Variants in PIK3C2A observed in about 807,000 individuals in gnomAD.
PIK3C2A encodes the protein phosphatidylinositol 4-phosphate 3-kinase C2 domain-containing subunit alpha.
Under a neutral mutation model 204.5 loss-of-function variants are expected in PIK3C2A, and 97 were observed. The ratio of observed to expected loss-of-function variants is 0.47; its 90% CI spans 0.40 to 0.56. The LOEUF (loss-of-function observed/expected upper bound fraction) is 0.56. PIK3C2A is among the 20% of genes least tolerant of loss of function. The probability of loss-of-function intolerance (pLI) is 0.00; values close to 1 mark genes in which losing one functional copy is unlikely to be tolerated. For synonymous variants in PIK3C2A, 653 were observed against 664.4 expected (o/e 0.98, Z 0.26); for missense variants, 1,735 against 1,969.2 (o/e 0.88, Z 2.25).
rs11024185 is a variant in PIK3C2A, at chr11:17,189,001, G to T, written c.-66+18847C>A. On this transcript the variant is annotated intron_variant, in intron 1 of 32. Transcript: ENST00000691414. The stretch of plus-strand genomic sequence containing the variant: ...CAGAGATCTCCTGAGACACAGAAAG[G>T]CAAGAAGCACAATTAAAGAACAAAG... Among the ~76,000 whole-genome samples, 4,106 of 146,854 alleles carry T rather than the reference G, an allele frequency of 0.028. 652 individuals carry two copies. In the East Asian group the frequency reaches 0.42, roughly 15 times the overall value.
intron 5 of PIK3C2A, 105 bp downstream of exon 5, chr11:17,148,562 G>C (rs1850324233): frequency 3.4e-6 from 3 of 887,530 alleles, no homozygotes; most frequent in Non-Finnish European, 3.4e-6. Context: ...AATTCAATAG[G>C]ATCCAATGTA....
At chr11:17,173,075 T>C (rs185019000) in intron 1 of PIK3C2A, among the ~76,000 whole-genome samples, 12 of 152,352 alleles carry the variant, frequency 7.9e-5, no homozygotes, top group Admixed American at 7.2e-4. Context: ...TCTTTAGCCT[T>C]CCCTAAGCAG....
At chr11:17,177,568 T>C (rs1851377616) in intron 1 of PIK3C2A, among the ~76,000 whole-genome samples, 2 of 152,110 alleles carry the variant, frequency 1.3e-5, no homozygotes, top group Admixed American at 6.6e-5. Flanking sequence ...AGGGAGATGG[T>C]AATAGAAAAC....
intron 20 of PIK3C2A, among the ~76,000 whole-genome samples, chr11:17,113,711 G>C (rs1234072161): frequency 6.6e-6 from 1 of 150,874 alleles, no homozygotes; most frequent in African/African-American, 2.5e-5. Context: ...GAACCTGGGA[G>C]GCGGAGGTCG....
rs993455123 is a variant in PIK3C2A at position 17,088,977 on chromosome 11, T to A, written c.*761A>T. The A allele has an allele frequency of 6.6e-6, 1 of 152,198 alleles. No individual in the cohort carries two copies. The highest frequency in any genetic ancestry group is 6.5e-5 in the Admixed American group (1 of 15,286). 9.4% of individuals were successfully genotyped at this position (152,198 alleles called of 1,614,324 possible). On this transcript the variant is annotated 3_prime_UTR_variant, in exon 33 of 33. Transcript: ENST00000691414. ...TAATTCATACATCAGAAGTAAAGGA[T>A]TTTTTTGTGGGAAAAACATTAGTAC...
intron 1 of PIK3C2A, among the ~76,000 whole-genome samples, chr11:17,178,114 A>AAAAAAAAAAG (rs1565294473): frequency 2.0e-4 from 15 of 73,234 alleles, no homozygotes; most frequent in Admixed American, 3.5e-4. Context: ...AAAAAAAAAG[A>AAAAAAAAAAG]AAAAAAAAAT....
In PIK3C2A at chr11:17,122,791, G is replaced by A. The variant is rs952995310; in HGVS notation, c.2422C>T (p.Leu808Phe). The A allele has an allele frequency of 1.0e-5, 15 of 1,493,468 alleles. No homozygotes were observed. Among genetic ancestry groups the A allele is most frequent in the Admixed American group, 1.9e-5 (1 of 53,388 alleles). 92.5% of individuals were successfully genotyped at this position (1,493,468 alleles called of 1,614,324 possible). Residue 808 changes from leucine (L) to phenylalanine (F), a missense_variant, in exon 14 of 33, where the codon CTT (leucine) becomes TTT (phenylalanine). This residue lies in a region of PIK3C2A where 567 missense variants were observed against 576.0 expected (regional missense o/e 0.98). Coordinates refer to ENST00000691414, the MANE Select transcript of PIK3C2A (RefSeq NM_002645.4). The part of the protein sequence containing the change: ...FKRFLTCGTK[L>F]LYLWTSSHTN... ...TGTGATGAAGTCCAAAGATATAGAA[G>A]TTTAGTTCCACATGTTAAAAACCTT...
chr11:17,198,421 T>C (rs537933278), intron 1 of PIK3C2A, among the ~76,000 whole-genome samples: 9 of 152,298 alleles, frequency 5.9e-5, no homozygotes, highest in African/African-American at 2.2e-4. Flanking sequence ...ACTGTGTGAT[T>C]TTTAAAGTAA....
chr11:17,149,510 A>G (rs1342170636), intron 4 of PIK3C2A, among the ~76,000 whole-genome samples: 1 of 152,164 alleles, frequency 6.6e-6, no homozygotes, highest in Non-Finnish European at 1.5e-5. Context: ...TATCTAGCAA[A>G]CAATGATTTA....
rs1565261340 is a variant in PIK3C2A at position 17,129,283 on chromosome 11, A to C, written c.2399+17T>G. On this transcript the variant is annotated intron_variant, in intron 13 of 32. Transcript: ENST00000691414. ...TGTGTCCACAGTGACTCACCATTACAATTCGGTAATACTTACCGTTTAAAG... is the reference window on the plus strand; with the variant it reads ...TGTGTCCACAGTGACTCACCATTACCATTCGGTAATACTTACCGTTTAAAG... 6.2e-7 allele frequency: 1 copy of C among 1,603,170 alleles called. No individual in the cohort carries two copies.
intron 1 of PIK3C2A, among the ~76,000 whole-genome samples, chr11:17,179,580 G>A (rs1851464265): frequency 6.6e-6 from 1 of 152,128 alleles, no homozygotes; most frequent in Non-Finnish European, 1.5e-5. Flanking sequence ...AGAGAAATGT[G>A]TTCACAATCA....
At chr11:17,100,269 C>T (rs1026701137) in intron 25 of PIK3C2A, among the ~76,000 whole-genome samples, 4 of 128,850 alleles carry the variant, frequency 3.1e-5, no homozygotes, top group South Asian at 5.3e-4. Flanking sequence ...GGGCAGGGAG[C>T]CGGGTGCGAT....
chr11:17,132,478 C>T lies in PIK3C2A; in HGVS notation c.2109-440G>A, dbSNP rs923897108. On this transcript the variant is annotated intron_variant, in intron 11 of 32. Coordinates refer to ENST00000691414, the MANE Select transcript of PIK3C2A (RefSeq NM_002645.4). ...CCGAGTAGCTGGGACTACAGGCGCC[C>T]GCCACCGCGCCCGGCTAATTTTTTG... Among the ~76,000 whole-genome samples, 9 of 150,896 alleles carry T rather than the reference C, an allele frequency of 6.0e-5. No individual in the cohort carries two copies. The South Asian group carries it at 6.3e-4, about 10-fold the overall frequency.
rs1399586663 is a variant in PIK3C2A at position 17,101,274 on chromosome 11, T to C, written c.4008+4A>G. Reference sequence around the variant, plus strand: ...CTAATTAAGTGCTTATAAAGAATAGTTACCAGTGAAAGGAGGTTAAGAAAA... The same window carrying C: ...CTAATTAAGTGCTTATAAAGAATAGCTACCAGTGAAAGGAGGTTAAGAAAA... On this transcript the variant is annotated splice_donor_region_variant and intron_variant, in intron 25 of 32. Transcript: ENST00000691414. The C allele has an allele frequency of 6.7e-7, 1 of 1,498,228 alleles. No individual in the cohort carries two copies. Among genetic ancestry groups the C allele is most frequent in the East Asian group, 2.3e-5 (1 of 43,686 alleles). The allele number at this position is 1,498,228 out of a possible 1,614,324, so 92.8% of individuals were successfully genotyped here.
chr11:17,187,398 C>G (rs979615748), intron 1 of PIK3C2A, among the ~76,000 whole-genome samples: 1 of 152,072 alleles, frequency 6.6e-6, no homozygotes, highest in African/African-American at 2.4e-5. Flanking sequence ...ATATAACTCA[C>G]TTAATATGAA....
chr11:17,170,456 A>C (rs540660655), intron 1 of PIK3C2A, among the ~76,000 whole-genome samples: 1 of 152,332 alleles, frequency 6.6e-6, no homozygotes, highest in East Asian at 1.9e-4. Flanking sequence ...TCAAAGATTA[A>C]ATTATAGCTG....
chr11:17,176,491 A>G lies in PIK3C2A; in HGVS notation c.-65-6685T>C, dbSNP rs999043751. ...ATAAATTTTAAAAATTAAAAAAAAA[A>G]GATTATGGGCTGAGTATGGCAGCTC... On this transcript the variant is annotated intron_variant, in intron 1 of 32. Coordinates refer to ENST00000691414, the MANE Select transcript of PIK3C2A (RefSeq NM_002645.4). Among the ~76,000 whole-genome samples the G allele has an allele frequency of 2.0e-4, 31 of 151,992 alleles. 1 individual carries two copies. Among genetic ancestry groups the G allele is most frequent in the African/African-American group, 6.7e-4 (28 of 41,496 alleles).
At chr11:17,139,673 T>C (rs1460717849) in intron 8 of PIK3C2A, among the ~76,000 whole-genome samples, 1 of 152,212 alleles carries the variant, frequency 6.6e-6, no homozygotes, top group Non-Finnish European at 1.5e-5. Context: ...CATCCTGTAA[T>C]ACAAGCCTCC....
chr11:17,097,335 G>A (rs138446082), intron 26 of PIK3C2A, 71 bp from the exon 27 acceptor site: 3 of 912,486 alleles, frequency 3.3e-6, no homozygotes, highest in East Asian at 2.5e-5. Flanking sequence ...TGTAATAAAT[G>A]ACAAAAACCA....
Sources: gnomAD v4.1 joint callset for allele counts (sites outside exome capture counted in the v4.1 genomes callset) on GRCh38, gnomAD v4.1.1 for gene constraint, gnomAD v4.1.1 regional missense constraint, MANE v1.5 for transcripts, NCBI Gene and HGNC (gene_info 2026-07-23, HGNC 2026-07-21) for gene names.